Variants in KLHL1 observed in about 807,000 individuals in gnomAD.
KLHL1 encodes kelch-like protein 1.
KLHL1 carries 47 observed loss-of-function variants against 77.7 expected under a neutral mutation model. The observed-to-expected ratio is 0.60, with a 90% CI of 0.48 to 0.77. The LOEUF (loss-of-function observed/expected upper bound fraction) is 0.77, where lower values mean the gene tolerates loss of function less well. Among genes scored for constraint, KLHL1 ranks in the 30% least tolerant of loss-of-function variants. The probability of loss-of-function intolerance (pLI) is 0.00; values close to 1 mark genes in which losing one functional copy is unlikely to be tolerated. For synonymous variants in KLHL1, 360 were observed against 325.2 expected (o/e 1.11, Z -1.15); for missense variants, 925 against 910.8 (o/e 1.02, Z -0.20).
At chr13:69,719,238 G>A (rs762805569) in intron 9 of KLHL1, 131 bp downstream of exon 9, 3 of 644,538 alleles carry the variant, frequency 4.7e-6, no homozygotes, top group Non-Finnish European at 8.3e-6. Context: ...GAGAGAGAAA[G>A]GAGTTAAAAA....
chr13:69,800,660 A>G (rs1267392090), intron 6 of KLHL1, among the ~76,000 whole-genome samples: 1 of 152,118 alleles, frequency 6.6e-6, no homozygotes, highest in Non-Finnish European at 1.5e-5. Context: ...AATGTACTTT[A>G]TTAGCTTTCT....
At chr13:69,733,819 A>G (rs1873654961) in intron 8 of KLHL1, among the ~76,000 whole-genome samples, 1 of 152,188 alleles carries the variant, frequency 6.6e-6, no homozygotes, top group Non-Finnish European at 1.5e-5. Context: ...GAATAAGTAA[A>G]GCCTAGTAAT....
intron 1 of KLHL1, among the ~76,000 whole-genome samples, chr13:70,070,377 C>T (rs1347297263): frequency 6.6e-6 from 1 of 151,816 alleles, no homozygotes; most frequent in Non-Finnish European, 1.5e-5. Context: ...AAGCATGTAT[C>T]TATAGAAGAA....
chr13:69,845,777 T>C (rs993333469), intron 5 of KLHL1, among the ~76,000 whole-genome samples: 15 of 151,426 alleles, frequency 9.9e-5, no homozygotes, highest in Non-Finnish European at 4.4e-5. Context: ...ATGTGGAGCA[T>C]CAAGGTAAAA....
At chr13:69,748,626 G>A (rs530350115) in intron 7 of KLHL1, among the ~76,000 whole-genome samples, 1 of 151,982 alleles carries the variant, frequency 6.6e-6, no homozygotes, top group South Asian at 2.1e-4. Context: ...ATCAGAGAAC[G>A]ATATTTAAAT....
chr13:69,991,664 T>C (rs190108920), intron 1 of KLHL1, among the ~76,000 whole-genome samples: 1 of 146,834 alleles, frequency 6.8e-6, no homozygotes, highest in African/African-American at 2.7e-5. Context: ...CAGTAATAAA[T>C]AGCCTATCAA....
At chr13:70,023,696 G>A (rs1350143508) in intron 1 of KLHL1, among the ~76,000 whole-genome samples, 1 of 151,910 alleles carries the variant, frequency 6.6e-6, no homozygotes, top group Non-Finnish European at 1.5e-5. Flanking sequence ...AATCATGACA[G>A]TGCTTCATAG....
intron 1 of KLHL1, among the ~76,000 whole-genome samples, chr13:70,061,852 G>C (rs1481300645): frequency 6.6e-6 from 1 of 152,070 alleles, no homozygotes; most frequent in Non-Finnish European, 1.5e-5. Context: ...TGGCTAGAGA[G>C]TGATGTTTTG....
intron 3 of KLHL1, among the ~76,000 whole-genome samples, chr13:69,948,897 A>G (rs55773148): frequency 0.14 from 20,982 of 151,846 alleles, 2,384 homozygotes; most frequent in African/African-American, 0.29. Context: ...ACGTAAATCA[A>G]ATTTTATCTA....
At chr13:69,976,582 C>G (rs1884551151) in intron 1 of KLHL1, among the ~76,000 whole-genome samples, 1 of 151,840 alleles carries the variant, frequency 6.6e-6, no homozygotes, top group Non-Finnish European at 1.5e-5. Context: ...CCCAGCAGAC[C>G]CAATCAAGTG....
intron 1 of KLHL1, among the ~76,000 whole-genome samples, chr13:69,981,374 A>C (rs1884700157): frequency 6.6e-6 from 1 of 152,134 alleles, no homozygotes; most frequent in African/African-American, 2.4e-5. Context: ...CGGCAAAATA[A>C]ATTTGAAAGC....
At chr13:69,946,258 T>C (rs142484994) in intron 3 of KLHL1, among the ~76,000 whole-genome samples, 1,565 of 152,276 alleles carry the variant, frequency 0.01, 26 homozygotes, top group African/African-American at 0.035. Flanking sequence ...TTCATTACTT[T>C]GTGGTGAGTA....
chr13:69,838,798 A>T (rs976022844), intron 6 of KLHL1, among the ~76,000 whole-genome samples, 178 bp downstream of exon 6: 1 of 151,924 alleles, frequency 6.6e-6, no homozygotes, highest in Non-Finnish European at 1.5e-5. Flanking sequence ...GAACTTAAAG[A>T]TGAATAAGAA....
chr13:69,889,473 C>T (rs761325052), intron 4 of KLHL1, among the ~76,000 whole-genome samples: 1 of 152,098 alleles, frequency 6.6e-6, no homozygotes, highest in East Asian at 1.9e-4. Context: ...CTTTCCATTA[C>T]ACAACCTGGC....
intron 3 of KLHL1, among the ~76,000 whole-genome samples, chr13:69,953,281 T>TGA: frequency 6.6e-6 from 1 of 151,092 alleles, no homozygotes; most frequent in Admixed American, 6.6e-5. Flanking sequence ...AGGCTACTCA[T>TGA]TTGATGTACA....
Position 70,016,245 on chromosome 13 carries a change from G to T in KLHL1, c.498-40443C>A, listed in dbSNP as rs1024297799. Among the ~76,000 whole-genome samples the T allele has an allele frequency of 2.6e-5, 4 of 152,336 alleles. No homozygotes were observed. In the South Asian group the frequency reaches 8.3e-4, roughly 32 times the overall value. The stretch of plus-strand genomic sequence containing the variant: ...CAGCAGCCACTGACACACACCAGCT[G>T]CAGTGAGGGCTGTGTGCTCCAGAGC... On this transcript the variant is annotated intron_variant, in intron 1 of 10. Coordinates refer to ENST00000377844, the MANE Select transcript of KLHL1 (RefSeq NM_020866.3).
chr13:69,893,333 C>T (rs923589930), intron 4 of KLHL1, among the ~76,000 whole-genome samples: 12 of 150,234 alleles, frequency 8.0e-5, no homozygotes, highest in African/African-American at 2.9e-4. Context: ...TTCCCGGGTT[C>T]ACGCCATTCT....
At chr13:70,075,569 G>GTGTATATATATA (rs761519216) in intron 1 of KLHL1, among the ~76,000 whole-genome samples, 15 of 106,660 alleles carry the variant, frequency 1.4e-4, no homozygotes, top group African/African-American at 5.1e-4. Flanking sequence ...GTGTGTATGT[G>GTGTATATATATA]TATATATATA....
At chr13:69,835,489 C>T (rs4531607) in intron 6 of KLHL1, among the ~76,000 whole-genome samples, 36,438 of 151,820 alleles carry the variant, frequency 0.24, 5,675 homozygotes, top group African/African-American at 0.44. Flanking sequence ...AAACACAAGG[C>T]GGGAGAACAA....
Sources: allele counts gnomAD v4.1 joint callset (sites outside exome capture counted in the v4.1 genomes callset), GRCh38; gene constraint gnomAD v4.1.1; transcripts MANE v1.5; gene names NCBI Gene and HGNC (gene_info 2026-07-23, HGNC 2026-07-21).